The following DNAH5 variants were observed in gnomAD, a reference collection of about 807,000 sequenced individuals.
DNAH5 encodes the protein dynein axonemal heavy chain 5.
A neutral mutation model predicts 518.2 loss-of-function variants in DNAH5; 372 were observed. That is an observed-to-expected ratio of 0.72 (90% CI 0.66 to 0.78). DNAH5 has a LOEUF of 0.78. DNAH5 is among the 30% of genes least tolerant of loss of function. The pLI is 0.00. For missense variants in DNAH5, 5,523 were observed against 5,687.0 expected (o/e 0.97, Z 0.93); for synonymous variants, 2,039 against 2,025.9 (o/e 1.01, Z -0.17).
chr5:13,748,021 T>G (rs1429275206), intron 65 of DNAH5, among the ~76,000 whole-genome samples: 4 of 152,218 alleles, frequency 2.6e-5, no homozygotes, highest in Admixed American at 1.3e-4. Flanking sequence ...GGTCTAACAT[T>G]GAAGTCTTTA....
intron 42 of DNAH5, 38 bp from the exon 43 acceptor site, chr5:13,814,884 C>T (rs1036781935): frequency 1.9e-6 from 3 of 1,604,110 alleles, no homozygotes; most frequent in Non-Finnish European, 1.7e-6. Context: ...AAAATACATA[C>T]ACTCATGCAG....
chr5:13,834,144 G>A (rs973910625), intron 35 of DNAH5, among the ~76,000 whole-genome samples: 1 of 152,080 alleles, frequency 6.6e-6, no homozygotes, highest in African/African-American at 2.4e-5. Context: ...ATAAACAAAT[G>A]GGCATTTAGG....
chr5:13,974,138 C>CTTT (rs373199315), intron 1 of DNAH5, among the ~76,000 whole-genome samples: 1 of 139,948 alleles, frequency 7.1e-6, no homozygotes, highest in Non-Finnish European at 1.6e-5. Flanking sequence ...TTTTTCTTTT[C>CTTT]TTTTCTTTTT....
intron 1 of DNAH5, among the ~76,000 whole-genome samples, chr5:14,006,928 G>A (rs929099175): frequency 1.3e-5 from 2 of 152,094 alleles, no homozygotes; most frequent in African/African-American, 4.8e-5. Context: ...GCTCCACTCT[G>A]AGCCTCCAGT....
intron 1 of DNAH5, among the ~76,000 whole-genome samples, chr5:13,995,550 A>C (rs545499430): frequency 6.6e-6 from 1 of 152,318 alleles, no homozygotes; most frequent in Admixed American, 6.5e-5. Flanking sequence ...GCCAGGTATT[A>C]AACTGAATAT....
At chr5:13,913,671 A>G in intron 11 of DNAH5, 72 bp downstream of exon 11, 2 of 1,545,486 alleles carry the variant, frequency 1.3e-6, no homozygotes, top group Non-Finnish European at 8.9e-7. Context: ...CATTCTAAAC[A>G]CTGTTATTTG....
Position 13,862,598 on chromosome 5 carries a change from G to A in DNAH5, c.4746C>T (p.Ile1582=), listed in dbSNP as rs200523486. The stretch of plus-strand genomic sequence containing the variant: ...ACATCAAGCTGTCCTCCATGTTGGC[G>A]ATGATTTCCGAGGTACTGTCTCCTC... ...LLRGDSTSEI[I]ANMEDSLMLL... is the part of the protein sequence containing the mutation. Residue 1582 remains isoleucine (I), a synonymous_variant, in exon 29 of 79, where the codon ATC becomes ATT. Transcript: ENST00000265104. 21 of 1,613,966 alleles carry A rather than the reference G, an allele frequency of 1.3e-5. No individual in the cohort carries two copies. Among genetic ancestry groups the A allele is most frequent in the African/African-American group, 4.0e-5 (3 of 75,012 alleles).
At chr5:13,873,508 T>C (rs1452846233) in intron 22 of DNAH5, among the ~76,000 whole-genome samples, 1 of 152,148 alleles carries the variant, frequency 6.6e-6, no homozygotes, top group Non-Finnish European at 1.5e-5. Context: ...TTGTATTCTA[T>C]GAAAAATTCA....
At chr5:13,780,498 A>C (rs939807964) in intron 53 of DNAH5, among the ~76,000 whole-genome samples, 1 of 152,220 alleles carries the variant, frequency 6.6e-6, no homozygotes, top group Admixed American at 6.5e-5. Context: ...CCATTGTATT[A>C]ACATCCTTGA....
In DNAH5 at chr5:13,746,212, A is replaced by G. The variant is rs563101615; in HGVS notation, c.11211+4866T>C. ...GTGTGTAATGATGTTTGCAGTTTGG[A>G]GAAGCTCTTACTAGGACAATGCTGT... is the stretch of plus-strand genomic sequence containing the variant. On this transcript the variant is annotated intron_variant, in intron 65 of 78. Transcript: ENST00000265104. Among the ~76,000 whole-genome samples the G allele has an allele frequency of 2.0e-5, 3 of 152,228 alleles. No individual in the cohort carries two copies. The South Asian group carries it at 6.2e-4, about 32-fold the overall frequency.
At chr5:13,874,821 C>T (rs1391706724) in intron 22 of DNAH5, among the ~76,000 whole-genome samples, 1 of 152,128 alleles carries the variant, frequency 6.6e-6, no homozygotes, top group Non-Finnish European at 1.5e-5. Context: ...CCAGCCTCAG[C>T]TCATCCTTTT....
Position 13,871,527 on chromosome 5 carries a change from C to T in DNAH5, c.3598+37G>A. On this transcript the variant is annotated intron_variant, in intron 23 of 78. Transcript: ENST00000265104. Reference sequence around the variant, plus strand: ...AGGTAAAGAGGCAGAACAATAATGGCTAATTTATATAACTATATGAAAGAA... The same window carrying T: ...AGGTAAAGAGGCAGAACAATAATGGTTAATTTATATAACTATATGAAAGAA... The T allele has an allele frequency of 2.0e-6, 3 of 1,532,730 alleles. No individual in the cohort carries two copies. The South Asian group carries it at 3.4e-5, about 17-fold the overall frequency. 94.9% of individuals were successfully genotyped at this position (1,532,730 alleles called of 1,614,324 possible).
chr5:13,834,413 C>T (rs1182574990), intron 35 of DNAH5, among the ~76,000 whole-genome samples: 2 of 152,158 alleles, frequency 1.3e-5, no homozygotes, highest in Admixed American at 6.5e-5. Flanking sequence ...TTTTCCCTCC[C>T]ACACATGCTA....
upstream of DNAH5, among the ~76,000 whole-genome samples, chr5:13,945,179 T>A (rs1341433511): frequency 6.6e-6 from 1 of 152,254 alleles, no homozygotes; most frequent in Non-Finnish European, 1.5e-5. Flanking sequence ...TGGCTAAACA[T>A]CTTGATCATC....
At chr5:13,693,989 A>T (rs532402545) in intron 78 of DNAH5, among the ~76,000 whole-genome samples, 13 of 152,356 alleles carry the variant, frequency 8.5e-5, no homozygotes, top group Middle Eastern at 3.4e-3. Flanking sequence ...AACGCTAACT[A>T]TACTCACTGA....
At position 13,820,517 on chromosome 5, in the gene DNAH5, T is replaced by C. The variant is rs1292875691; in HGVS notation, c.6688-18A>G. 6.2e-7 allele frequency: 1 copy of C among 1,613,142 alleles called. No individual in the cohort carries two copies. The highest frequency in any genetic ancestry group is 1.3e-5 in the African/African-American group (1 of 74,878). ...TCTTCAACCTGAAAACATAAGAGAA[T>C]CCCCACATTGAAACACAACAATGAT... On this transcript the variant is annotated intron_variant, in intron 40 of 78. Coordinates refer to ENST00000265104, the MANE Select transcript of DNAH5 (RefSeq NM_001369.3).
chr5:13,809,336 T>C, intron 45 of DNAH5, 150 bp from the exon 46 acceptor site: 1 of 978,340 alleles, frequency 1.0e-6, no homozygotes, highest in Non-Finnish European at 1.6e-6. Flanking sequence ...AGTACACAAG[T>C]ATGTGTTAGC....
intron 31 of DNAH5, among the ~76,000 whole-genome samples, chr5:13,847,932 A>G (rs1766266321): frequency 6.6e-6 from 1 of 152,144 alleles, no homozygotes; most frequent in Non-Finnish European, 1.5e-5. Flanking sequence ...CCTGCCCCTC[A>G]GTCCTTCCAT....
At chr5:13,809,989 G>A in intron 45 of DNAH5, 70 bp downstream of exon 45, 1 of 1,355,780 alleles carries the variant, frequency 7.4e-7, no homozygotes, top group Non-Finnish European at 1.0e-6. Flanking sequence ...AAATATATAT[G>A]GTGTAAATAT....
Sources: allele counts gnomAD v4.1 joint callset (sites outside exome capture counted in the v4.1 genomes callset), GRCh38; gene constraint gnomAD v4.1.1; transcripts MANE v1.5; gene names NCBI Gene and HGNC (gene_info 2026-07-23, HGNC 2026-07-21).